SLC9C1: variants seen among roughly 807,000 people sequenced by gnomAD.
The protein encoded by SLC9C1 is solute carrier family 9 member C1.
In SLC9C1, 97 loss-of-function variants were observed where a neutral mutation model predicts 140.9. That is an observed-to-expected ratio of 0.69 (90% CI 0.58 to 0.82). The LOEUF (loss-of-function observed/expected upper bound fraction) is 0.82, where lower values mean the gene tolerates loss of function less well. Among genes scored for constraint, SLC9C1 ranks in the 40% least tolerant of loss-of-function variants. The pLI is 0.00. For missense variants in SLC9C1, 1,340 were observed against 1,389.3 expected (o/e 0.96, Z 0.56); for synonymous variants, 440 against 442.6 (o/e 0.99, Z 0.07).
In SLC9C1 at chr3:112,264,331, A is replaced by T; in HGVS notation, c.891T>A (p.Phe297Leu). The T allele has an allele frequency of 6.9e-7, 1 of 1,459,076 alleles. No homozygotes were observed. The allele number at this position is 1,459,076 out of a possible 1,614,324, so 90.4% of individuals were successfully genotyped here. A position where few individuals can be genotyped will look rare whatever the true frequency, so the allele number is the denominator to read the frequency against. The stretch of plus-strand genomic sequence containing the variant: ...CCATGAGAAAAGCAATACGTGATAG[A>T]AAAGTCCAGAATCTGCATCATTCAG... ...EETLLLEFWT[F>L]LSRIAFLMVF... is the part of the protein sequence containing the mutation. The change falls in exon 9 of 29, where the codon TTT becomes TTA. Residue 297 changes from phenylalanine (F) to leucine (L), a missense_variant. By Grantham distance (22) the Phe-to-Leu change is conservative. Transcript: ENST00000305815.
chr3:112,231,380 C>A lies in SLC9C1; in HGVS notation c.1553G>T (p.Arg518Leu), dbSNP rs183446986. ...CAGTACTATTTGTGCTGACAAGAGA[C>A]GCCTGTTGGCCAGCTCCATTGCTTC... ...NTEAMELANR[R>L]LLSAQIASYQ... The change falls in exon 13 of 29, where the codon CGT (arginine) becomes CTT (leucine). Residue 518 changes from arginine (R) to leucine (L), a missense_variant. Arg to Leu is a moderately radical substitution (Grantham distance 102). Coordinates refer to ENST00000305815, the MANE Select transcript of SLC9C1 (RefSeq NM_183061.3). The A allele has an allele frequency of 6.2e-7, 1 of 1,613,378 alleles. No individual in the cohort carries two copies.
intron 20 of SLC9C1, among the ~76,000 whole-genome samples, chr3:112,189,626 G>A (rs1268930854): frequency 1.3e-5 from 2 of 152,172 alleles, no homozygotes; most frequent in South Asian, 2.1e-4. Context: ...TACTGTTTTG[G>A]TTACTGTAGC....
At chr3:112,230,486 T>C (rs1228201912) in intron 13 of SLC9C1, among the ~76,000 whole-genome samples, 2 of 152,220 alleles carry the variant, frequency 1.3e-5, no homozygotes, top group African/African-American at 4.8e-5. Context: ...TAAAGCACCA[T>C]GTGGGCATTA....
rs377402243 is a variant in SLC9C1, at chr3:112,168,923, C to A, written c.3191G>T (p.Arg1064Leu). 1.0e-5 allele frequency: 16 copies of A among 1,601,080 alleles called. No homozygotes were observed. The highest frequency in any genetic ancestry group is 1.4e-5 in the Non-Finnish European group (16 of 1,176,390). ...IHGAVEDCLL[R>L]KTYRAPFLIP... Reference sequence around the variant, plus strand: ...TAAGAAAGGTGCTCTATAAGTTTTTCGTAACAGACAATCTTCTACAGCTCC... The same window carrying A: ...TAAGAAAGGTGCTCTATAAGTTTTTAGTAACAGACAATCTTCTACAGCTCC... The change falls in exon 25 of 29, where the codon CGA (arginine) becomes CTA (leucine). Residue 1064 changes from arginine (R) to leucine (L), a missense_variant. Arg to Leu is a moderately radical substitution (Grantham distance 102, BLOSUM62 -2). Transcript: ENST00000305815.
chr3:112,286,693 G>C lies in SLC9C1; in HGVS notation c.88+11C>G. On this transcript the variant is annotated intron_variant, in intron 2 of 28. Transcript: ENST00000305815. ...AAGAATAAACTCAGATAAAGAGAGA[G>C]TGATACTTACCTCCAATGGAGCTGA... is the stretch of plus-strand genomic sequence containing the variant. The C allele has an allele frequency of 1.2e-6, 2 of 1,602,658 alleles. No individual in the cohort carries two copies. Among genetic ancestry groups the C allele is most frequent in the South Asian group, 1.1e-5 (1 of 89,222 alleles).
At position 112,286,771 on chromosome 3, in the gene SLC9C1, CT is replaced by C; in HGVS notation, c.20del (p.Glu7GlyfsTer14). The C allele has an allele frequency of 6.2e-7, 1 of 1,611,856 alleles. No individual in the cohort carries two copies. Among genetic ancestry groups the C allele is most frequent in the South Asian group, 1.1e-5 (1 of 90,522 alleles). On this transcript the variant is annotated frameshift_variant, in exon 2 of 29. Coordinates refer to ENST00000305815, the MANE Select transcript of SLC9C1 (RefSeq NM_183061.3). LOFTEE classifies it high-confidence loss of function. ...GGAGGTCCTCAGTACTGAAAAAAAA[CT>C]CCTTAAATATTCCAGCCATGTTTCA... MAGIFK[E>X]FFFSTEDLPE...
chr3:112,223,884 G>C (rs1390228345), intron 13 of SLC9C1, among the ~76,000 whole-genome samples: 1 of 152,104 alleles, frequency 6.6e-6, no homozygotes, highest in African/African-American at 2.4e-5. Flanking sequence ...TACTAGATTT[G>C]CCTACAAGAA....
intron 15 of SLC9C1, 139 bp from the exon 16 acceptor site, chr3:112,208,512 G>C (rs894613827): frequency 2.1e-6 from 1 of 475,108 alleles, no homozygotes; most frequent in Admixed American, 3.9e-5. Flanking sequence ...TAGCTAACAC[G>C]TTCTGGCATC....
intron 28 of SLC9C1, among the ~76,000 whole-genome samples, chr3:112,142,619 A>G (rs887590464): frequency 1.3e-5 from 2 of 152,232 alleles, no homozygotes; most frequent in African/African-American, 4.8e-5. Flanking sequence ...AAAGAGATCA[A>G]TGCATTAAAC....
chr3:112,259,444 A>G (rs1190518656), intron 10 of SLC9C1, among the ~76,000 whole-genome samples: 2 of 151,958 alleles, frequency 1.3e-5, no homozygotes, highest in Non-Finnish European at 2.9e-5. Flanking sequence ...CAAAAAACAT[A>G]AACCAAGACC....
At chr3:112,283,087 GA>G (rs1236528191) in intron 2 of SLC9C1, among the ~76,000 whole-genome samples, 1 of 152,170 alleles carries the variant, frequency 6.6e-6, no homozygotes, top group Non-Finnish European at 1.5e-5. Context: ...GGCTGCTATG[GA>G]AAAAGTTACA....
chr3:112,217,574 A>G lies in SLC9C1; in HGVS notation c.1671-13T>C. 1 of 1,562,180 alleles carries G rather than the reference A, an allele frequency of 6.4e-7. No homozygotes were observed. Among genetic ancestry groups the G allele is most frequent in the Non-Finnish European group, 8.6e-7 (1 of 1,158,478 alleles). On this transcript the variant is annotated splice_polypyrimidine_tract_variant and intron_variant, in intron 14 of 28. Coordinates refer to ENST00000305815, the MANE Select transcript of SLC9C1 (RefSeq NM_183061.3). Reference sequence around the variant, plus strand: ...AAGACTCATACATCTAGAAAAAGAGAGAAATCTTTAAACATGCTTTAAACA... The same window carrying G: ...AAGACTCATACATCTAGAAAAAGAGGGAAATCTTTAAACATGCTTTAAACA...
At chr3:112,168,288 T>C (rs2077176710) in intron 25 of SLC9C1, among the ~76,000 whole-genome samples, 1 of 151,480 alleles carries the variant, frequency 6.6e-6, no homozygotes, top group South Asian at 2.1e-4. Context: ...CCTATTGACA[T>C]GTGCCTCTCT....
In SLC9C1 at chr3:112,200,659, G is replaced by A. The variant is rs2077883350; in HGVS notation, c.2374+52C>T. ...GAGTTATGAAAACCATTGCCTTTCT[G>A]AAGTGGTGATGATAAGAGATGGTCA... On this transcript the variant is annotated intron_variant, in intron 19 of 28. Transcript: ENST00000305815. The A allele has an allele frequency of 3.3e-6, 5 of 1,526,330 alleles. No homozygotes were observed. The South Asian group carries it at 3.5e-5, about 11-fold the overall frequency. The allele number at this position is 1,526,330 out of a possible 1,614,324, so 94.5% of individuals were successfully genotyped here.
intron 13 of SLC9C1, among the ~76,000 whole-genome samples, chr3:112,225,034 G>T (rs1325411210): frequency 6.6e-6 from 1 of 151,996 alleles, no homozygotes; most frequent in Non-Finnish European, 1.5e-5. Context: ...ATCCAGGAAG[G>T]TCAAATATCC....
chr3:112,286,805 T>G lies in SLC9C1; in HGVS notation c.-14A>C, dbSNP rs764001241. ...TATTCCAGCCATGTTTCAGAAAAAT[T>G]TTTATGCAGATTTATGTTAGAAGCA... On this transcript the variant is annotated 5_prime_UTR_variant, in exon 2 of 29. Transcript: ENST00000305815. 1 of 1,599,034 alleles carries G rather than the reference T, an allele frequency of 6.3e-7. No homozygotes were observed. The highest frequency in any genetic ancestry group is 1.7e-5 in the Admixed American group (1 of 59,444).
chr3:112,193,068 A>G (rs1051133518), intron 20 of SLC9C1, among the ~76,000 whole-genome samples: 5 of 152,156 alleles, frequency 3.3e-5, no homozygotes, highest in African/African-American at 9.7e-5. Context: ...GCAGTAGTGT[A>G]GTCTCCATGT....
intron 28 of SLC9C1, 125 bp downstream of exon 28, chr3:112,151,732 C>T: frequency 2.8e-6 from 2 of 726,660 alleles, no homozygotes; most frequent in Non-Finnish European, 4.9e-6. Flanking sequence ...TTAGAAGAAT[C>T]ATCTGACTAG....
At chr3:112,171,045 C>G (rs957299563) in intron 23 of SLC9C1, among the ~76,000 whole-genome samples, 5 of 152,092 alleles carry the variant, frequency 3.3e-5, no homozygotes, top group Admixed American at 2.6e-4. Flanking sequence ...GAAATGCCGT[C>G]TCTACTAAAA....
Sources: allele counts gnomAD v4.1 joint callset (sites outside exome capture counted in the v4.1 genomes callset), GRCh38; gene constraint gnomAD v4.1.1; transcripts MANE v1.5; gene names NCBI Gene and HGNC (gene_info 2026-07-23, HGNC 2026-07-21).